The following HCRTR2 variants were observed in gnomAD, a reference collection of about 807,000 sequenced individuals.
HCRTR2 encodes the protein hypocretin receptor 2.
In HCRTR2, 22 loss-of-function variants were observed where a neutral mutation model predicts 49.0. That is an observed-to-expected ratio of 0.45 (90% CI 0.32 to 0.64). The LOEUF is 0.64. HCRTR2 is among the 30% of genes least tolerant of loss of function. The pLI is 0.04. For missense variants in HCRTR2, 491 were observed against 559.4 expected (o/e 0.88, Z 1.23); for synonymous variants, 236 against 205.3 (o/e 1.15, Z -1.28).
At chr6:55,198,559 T>C (rs980389540) in intron 1 of HCRTR2, among the ~76,000 whole-genome samples, 1 of 152,156 alleles carries the variant, frequency 6.6e-6, no homozygotes, top group Non-Finnish European at 1.5e-5. Flanking sequence ...CACCCACTAG[T>C]GTTCTGGGTG....
At chr6:55,155,911 AT>A (rs1200428860) in intron 1 of HCRTR2, among the ~76,000 whole-genome samples, 10 of 151,960 alleles carry the variant, frequency 6.6e-5, no homozygotes, top group South Asian at 4.1e-4. Flanking sequence ...TTTTGTGACC[AT>A]TGTTATATCA....
intron 1 of HCRTR2, among the ~76,000 whole-genome samples, chr6:55,146,571 A>C (rs1161120357): frequency 7.3e-6 from 1 of 136,294 alleles, no homozygotes; most frequent in Non-Finnish European, 1.6e-5. Flanking sequence ...ATTAAAGCAA[A>C]GGTTAGTTAA....
intron 1 of HCRTR2, among the ~76,000 whole-genome samples, chr6:55,237,255 A>G (rs1185023248): frequency 6.6e-6 from 1 of 152,152 alleles, no homozygotes; most frequent in Non-Finnish European, 1.5e-5. Context: ...AAATTATTTT[A>G]TGTTCTAGAT....
Position 55,192,598 on chromosome 6 carries a change from G to A in HCRTR2, c.223+17788G>A, listed in dbSNP as rs531007607. Reference sequence around the variant, plus strand: ...AAAGAAAGTCATTATCTTCAACACTGTGCATACACACTTTTCTGCATCTAG... The same window carrying A: ...AAAGAAAGTCATTATCTTCAACACTATGCATACACACTTTTCTGCATCTAG... On this transcript the variant is annotated intron_variant, in intron 1 of 6. Coordinates refer to ENST00000370862, the MANE Select transcript of HCRTR2 (RefSeq NM_001384272.1). 5.3e-5 allele frequency among the ~76,000 whole-genome samples: 8 copies of A among 152,156 alleles called. No individual in the cohort carries two copies. The East Asian group carries it at 1.5e-3, about 29-fold the overall frequency.
At chr6:55,232,686 T>C (rs62416785) in intron 1 of HCRTR2, among the ~76,000 whole-genome samples, 26,375 of 152,226 alleles carry the variant, frequency 0.17, 2,786 homozygotes, top group Non-Finnish European at 0.24. Flanking sequence ...GAAAAATCTA[T>C]AATTTTTAGT....
intron 1 of HCRTR2, among the ~76,000 whole-genome samples, chr6:55,186,295 G>A (rs1765214989): frequency 6.6e-6 from 1 of 152,016 alleles, no homozygotes; most frequent in South Asian, 2.1e-4. Context: ...AGCATTGCAG[G>A]CTTTAAATTT....
intron 1 of HCRTR2, among the ~76,000 whole-genome samples, chr6:55,229,194 A>C (rs1364322678): frequency 6.6e-6 from 1 of 152,184 alleles, no homozygotes; most frequent in Non-Finnish European, 1.5e-5. Context: ...TGCAGCCACT[A>C]TAAAAATTTT....
At chr6:55,220,934 C>G (rs1465261924) in intron 1 of HCRTR2, among the ~76,000 whole-genome samples, 1 of 152,100 alleles carries the variant, frequency 6.6e-6, no homozygotes, top group African/African-American at 2.4e-5. Flanking sequence ...AAAGACATTA[C>G]AATCCCACTT....
chr6:55,169,290 C>T (rs1282659520), intron 1 of HCRTR2, among the ~76,000 whole-genome samples: 2 of 151,300 alleles, frequency 1.3e-5, no homozygotes, highest in Non-Finnish European at 2.9e-5. Flanking sequence ...GGACAGGAGG[C>T]AAGATGGAAC....
At chr6:55,151,460 A>T (rs189425875) in intron 1 of HCRTR2, among the ~76,000 whole-genome samples, 45 of 152,098 alleles carry the variant, frequency 3.0e-4, no homozygotes, top group Non-Finnish European at 3.5e-4. Context: ...AGAGAAGCAG[A>T]TCATCTTGTA....
At chr6:55,156,185 G>C (rs1394220168) in intron 1 of HCRTR2, among the ~76,000 whole-genome samples, 1 of 151,332 alleles carries the variant, frequency 6.6e-6, no homozygotes, top group Non-Finnish European at 1.5e-5. Flanking sequence ...AATTGTTGTG[G>C]CTCATTTTAA....
intron 1 of HCRTR2, among the ~76,000 whole-genome samples, chr6:55,228,815 G>T (rs1283409525): frequency 2.0e-5 from 3 of 152,058 alleles, no homozygotes; most frequent in Non-Finnish European, 4.4e-5. Context: ...ACTTTTCAAG[G>T]TTTTTTAATC....
chr6:55,283,785 T>G (rs1767238466), downstream of HCRTR2, among the ~76,000 whole-genome samples: 1 of 152,098 alleles, frequency 6.6e-6, no homozygotes, highest in Non-Finnish European at 1.5e-5. Context: ...TCATAGAAAA[T>G]TAATTTTTGT....
intron 1 of HCRTR2, among the ~76,000 whole-genome samples, chr6:55,218,935 C>T (rs1169315892): frequency 6.6e-6 from 1 of 152,126 alleles, no homozygotes; most frequent in Admixed American, 6.6e-5. Flanking sequence ...GTGATTCTCC[C>T]ACTTCAGCCT....
chr6:55,256,270 A>G (rs1478252021), intron 3 of HCRTR2, among the ~76,000 whole-genome samples: 2 of 152,184 alleles, frequency 1.3e-5, no homozygotes, highest in Non-Finnish European at 2.9e-5. Context: ...GCTGATATTT[A>G]GAGAATTCAT....
chr6:55,203,776 G>A (rs923066092), intron 1 of HCRTR2, among the ~76,000 whole-genome samples: 1 of 151,980 alleles, frequency 6.6e-6, no homozygotes, highest in Non-Finnish European at 1.5e-5. Flanking sequence ...TTAGGTATAC[G>A]AGTAACAGTA....
Position 55,197,569 on chromosome 6 carries a change from A to T in HCRTR2, c.223+22759A>T, listed in dbSNP as rs112827605. 2.3e-3 allele frequency among the ~76,000 whole-genome samples: 346 copies of T among 152,250 alleles called. 3 individuals are homozygous for T. The highest frequency in any genetic ancestry group is 7.5e-3 in the African/African-American group (311 of 41,540). On this transcript the variant is annotated intron_variant, in intron 1 of 6. Coordinates refer to ENST00000370862, the MANE Select transcript of HCRTR2 (RefSeq NM_001384272.1). ...AACCTCAGACCTAACTCTACATCTA[A>T]TTATAACCCAAACCCCAGGCTGCTA...
chr6:55,118,371 GTGT>G (rs1311659721), intron 1 of HCRTR2, among the ~76,000 whole-genome samples: 1 of 151,956 alleles, frequency 6.6e-6, no homozygotes, highest in Non-Finnish European at 1.5e-5. Flanking sequence ...ATGTGTGCAT[GTGT>G]CTTTATAATA....
intron 1 of HCRTR2, among the ~76,000 whole-genome samples, chr6:55,155,452 A>C (rs937458422): frequency 6.6e-6 from 1 of 152,024 alleles, no homozygotes; most frequent in Non-Finnish European, 1.5e-5. Context: ...ACAAAAAGCC[A>C]ACGGAGTCTA....
Sources: allele counts gnomAD v4.1 joint callset (sites outside exome capture counted in the v4.1 genomes callset), GRCh38; gene constraint gnomAD v4.1.1; transcripts MANE v1.5; gene names NCBI Gene and HGNC (gene_info 2026-07-23, HGNC 2026-07-21).